Variants in PLPP4 observed in about 807,000 individuals in gnomAD.
PLPP4 encodes the protein diacylglycerol pyrophosphate like 2.
A neutral mutation model predicts 32.2 loss-of-function variants in PLPP4; 20 were observed. The observed-to-expected ratio is 0.62, with a 90% CI of 0.44 to 0.90. The LOEUF is 0.90. PLPP4 is among the 40% of genes least tolerant of loss of function. The probability of loss-of-function intolerance (pLI) is 0.00; values close to 1 mark genes in which losing one functional copy is unlikely to be tolerated. For synonymous variants in PLPP4, 127 were observed against 133.0 expected, an observed-to-expected ratio of 0.95 and a Z score of 0.31; for missense variants, 257 against 353.1, an observed-to-expected ratio of 0.73 and a Z score of 2.18.
intron 5 of PLPP4, among the ~76,000 whole-genome samples, chr10:120,538,288 A>G (rs76656210): frequency 0.013 from 1,964 of 151,148 alleles, 55 homozygotes; most frequent in African/African-American, 0.046. Context: ...ACTCATTTGA[A>G]CATTAGCCAG....
At chr10:120,587,296 G>A (rs4237523) in intron 6 of PLPP4, 33,632 of 152,160 alleles carry the variant, frequency 0.22, 4,855 homozygotes, top group Non-Finnish European at 0.33. Flanking sequence ...GAATGGCTGC[G>A]CCTATTTGCT....
intron 6 of PLPP4, among the ~76,000 whole-genome samples, chr10:120,587,791 G>A (rs1000331849): frequency 2.0e-5 from 3 of 152,166 alleles, no homozygotes; most frequent in Non-Finnish European, 4.4e-5. Flanking sequence ...GGAGATGCAG[G>A]GACATTAGTT....
chr10:120,507,495 AC>A (rs529645855), intron 2 of PLPP4, among the ~76,000 whole-genome samples: 258 of 152,320 alleles, frequency 1.7e-3, no homozygotes, highest in Admixed American at 3.9e-3. Flanking sequence ...TGAGGTCAGC[AC>A]TTTTGTTAAT....
chr10:120,462,756 A>AT, intron 1 of PLPP4, among the ~76,000 whole-genome samples: 1 of 152,262 alleles, frequency 6.6e-6, no homozygotes, highest in African/African-American at 2.4e-5. Flanking sequence ...CAGAATCTGC[A>AT]TTTTGAACAG....
chr10:120,480,757 C>T (rs1209860073), intron 1 of PLPP4, among the ~76,000 whole-genome samples: 6 of 152,120 alleles, frequency 3.9e-5, no homozygotes, highest in African/African-American at 1.4e-4. Flanking sequence ...GCTAATCTGC[C>T]CCCAACACTG....
chr10:120,486,691 G>T (rs1817258082), intron 1 of PLPP4, among the ~76,000 whole-genome samples: 1 of 152,208 alleles, frequency 6.6e-6, no homozygotes, highest in African/African-American at 2.4e-5. Flanking sequence ...TTTTGCCATT[G>T]CTTATTGGCT....
chr10:120,511,668 C>G (rs1319369079), intron 2 of PLPP4, among the ~76,000 whole-genome samples: 2 of 152,166 alleles, frequency 1.3e-5, no homozygotes, highest in African/African-American at 2.4e-5. Context: ...CTTCTTTGAC[C>G]TTGACCATAA....
At chr10:120,568,496 G>T (rs1198611835) in intron 5 of PLPP4, among the ~76,000 whole-genome samples, 1 of 152,162 alleles carries the variant, frequency 6.6e-6, no homozygotes, top group Non-Finnish European at 1.5e-5. Context: ...TGAGCACACT[G>T]GGCAAATCAA....
chr10:120,515,990 A>G lies in PLPP4; in HGVS notation c.256+1989A>G, dbSNP rs147426759. 5.0e-3 allele frequency among the ~76,000 whole-genome samples: 760 copies of G among 152,296 alleles called. 3 individuals are homozygous for G. Among genetic ancestry groups the G allele is most frequent in the Non-Finnish European group, 8.2e-3 (561 of 68,028 alleles). On this transcript the variant is annotated intron_variant, in intron 3 of 6. Transcript: ENST00000398250. ...TCTCAGCTAAATCTCCCTTAGGGTG[A>G]CATTTCAAAATTGAACATCATACTC... is the stretch of plus-strand genomic sequence containing the variant.
At chr10:120,461,398 G>A (rs550783964) in intron 1 of PLPP4, among the ~76,000 whole-genome samples, 100 of 152,300 alleles carry the variant, frequency 6.6e-4, no homozygotes, top group Middle Eastern at 6.8e-3. Context: ...TGGACGGGGG[G>A]AAAGATGGTC....
At chr10:120,491,581 G>A (rs913471966) in intron 1 of PLPP4, among the ~76,000 whole-genome samples, 5 of 151,980 alleles carry the variant, frequency 3.3e-5, no homozygotes, top group South Asian at 4.2e-4. Context: ...CCCAATAATA[G>A]GCTGTTTCTT....
chr10:120,555,381 G>A (rs538362214), intron 5 of PLPP4, among the ~76,000 whole-genome samples: 24 of 152,176 alleles, frequency 1.6e-4, no homozygotes, highest in African/African-American at 5.5e-4. Context: ...TTGTGCCTGG[G>A]CCATGTGAGA....
chr10:120,489,198 T>C (rs987143100), intron 1 of PLPP4, among the ~76,000 whole-genome samples: 16 of 152,218 alleles, frequency 1.1e-4, no homozygotes, highest in Non-Finnish European at 2.4e-4. Context: ...GGATAGATGA[T>C]GAAGAACGCA....
chr10:120,485,915 T>C (rs1439447945), intron 1 of PLPP4, among the ~76,000 whole-genome samples: 2 of 152,156 alleles, frequency 1.3e-5, no homozygotes. Flanking sequence ...AGCTCAACGA[T>C]GGAGCCTAGT....
At chr10:120,460,575 G>A (rs1847997686) in intron 1 of PLPP4, among the ~76,000 whole-genome samples, 1 of 152,088 alleles carries the variant, frequency 6.6e-6, no homozygotes, top group African/African-American at 2.4e-5. Context: ...CTGATGAAGG[G>A]GGTATATTGA....
chr10:120,480,860 A>G (rs181006885), intron 1 of PLPP4, among the ~76,000 whole-genome samples: 15 of 152,230 alleles, frequency 9.9e-5, no homozygotes, highest in African/African-American at 3.4e-4. Flanking sequence ...TTCAGGCCCA[A>G]GTTGGGCTCT....
At chr10:120,466,520 C>G (rs983699293) in intron 1 of PLPP4, among the ~76,000 whole-genome samples, 6 of 152,148 alleles carry the variant, frequency 3.9e-5, no homozygotes, top group African/African-American at 1.4e-4. Context: ...CTCCATTTCT[C>G]TAGAGTTCAG....
At position 120,575,302 on chromosome 10, in the gene PLPP4, G is replaced by C. The variant is rs1305776666; in HGVS notation, c.616+1G>C. 1 of 1,613,346 alleles carries C rather than the reference G, an allele frequency of 6.2e-7. No individual in the cohort carries two copies. The highest frequency in any genetic ancestry group is 1.7e-5 in the Admixed American group (1 of 59,998). On this transcript the variant is annotated splice_donor_variant, in intron 6 of 6. Coordinates refer to ENST00000398250, the MANE Select transcript of PLPP4 (RefSeq NM_001030059.3). LOFTEE classifies it high-confidence loss of function. ...TGCGACTACAAGCATCACTGGCAAG[G>C]TGAGTCCCTGCCCAGGGCCTGACTA...
chr10:120,464,083 G>A (rs1319474789), intron 1 of PLPP4, among the ~76,000 whole-genome samples: 1 of 152,194 alleles, frequency 6.6e-6, no homozygotes, highest in Non-Finnish European at 1.5e-5. Context: ...GGGATTATAG[G>A]TGTGAACCAT....
Sources: gnomAD v4.1 joint callset for allele counts (sites outside exome capture counted in the v4.1 genomes callset) on GRCh38, gnomAD v4.1.1 for gene constraint, MANE v1.5 for transcripts, NCBI Gene and HGNC (gene_info 2026-07-23, HGNC 2026-07-21) for gene names.